The following PRKG1 variants were observed in gnomAD, a reference collection of about 807,000 sequenced individuals.
PRKG1 encodes the protein protein kinase cGMP-dependent 1.
In PRKG1, 35 loss-of-function variants were observed where a neutral mutation model predicts 88.1. That is an observed-to-expected ratio of 0.40 (90% CI 0.30 to 0.53). The LOEUF (loss-of-function observed/expected upper bound fraction) is 0.53. PRKG1 is among the 20% of genes least tolerant of loss of function. The probability of loss-of-function intolerance (pLI) is 0.59; values close to 1 mark genes in which losing one functional copy is unlikely to be tolerated. For synonymous variants in PRKG1, 303 were observed against 292.5 expected (o/e 1.04, Z -0.37); for missense variants, 540 against 839.8 (o/e 0.64, Z 4.41).
chr10:51,286,709 C>T (rs1163859978), intron 2 of PRKG1, among the ~76,000 whole-genome samples: 1 of 152,130 alleles, frequency 6.6e-6, no homozygotes, highest in African/African-American at 2.4e-5. Flanking sequence ...ATTCAACATC[C>T]CCCTTTAGCT....
rs186161023 is a variant in PRKG1 at position 51,210,761 on chromosome 10, C to A, written c.478+57431C>A. On this transcript the variant is annotated intron_variant, in intron 2 of 17. Transcript: ENST00000373980. ...ACACATACAGTCTCCCAAGACTAAA[C>A]CAGGAAGAAGTTGAATCTCTGAATA... Among the ~76,000 whole-genome samples, 706 of 152,186 alleles carry A rather than the reference C, an allele frequency of 4.6e-3. 7 individuals are homozygous for A. Among genetic ancestry groups the A allele is most frequent in the African/African-American group, 0.016 (652 of 41,508 alleles).
intron 3 of PRKG1, among the ~76,000 whole-genome samples, chr10:51,584,789 C>T (rs1368003212): frequency 1.3e-5 from 2 of 151,956 alleles, no homozygotes; most frequent in African/African-American, 2.4e-5. Flanking sequence ...GAACTTACAC[C>T]AGATAGTTCA....
chr10:51,480,639 C>T (rs569023987), intron 3 of PRKG1, among the ~76,000 whole-genome samples: 3 of 151,828 alleles, frequency 2.0e-5, no homozygotes, highest in South Asian at 2.1e-4. Flanking sequence ...GTGAAGCAGC[C>T]GTGAACCTTG....
chr10:51,173,640 C>T (rs1462678340), intron 2 of PRKG1, among the ~76,000 whole-genome samples: 1 of 151,896 alleles, frequency 6.6e-6, no homozygotes, highest in Non-Finnish European at 1.5e-5. Flanking sequence ...CTTCTAATCA[C>T]TTGCCTGTAA....
chr10:51,721,852 A>G (rs1339926821), intron 3 of PRKG1, among the ~76,000 whole-genome samples: 2 of 152,170 alleles, frequency 1.3e-5, no homozygotes, highest in African/African-American at 4.8e-5. Context: ...CATTTTCTCC[A>G]GGGACTGCCT....
chr10:51,078,399 T>G (rs184127803), intron 1 of PRKG1, among the ~76,000 whole-genome samples: 1,986 of 147,698 alleles, frequency 0.013, 54 homozygotes, highest in African/African-American at 0.047. Context: ...TTTTTTTTTT[T>G]TTTTTTTTTT....
At chr10:51,857,847 T>A (rs1840722294) in intron 4 of PRKG1, among the ~76,000 whole-genome samples, 1 of 151,466 alleles carries the variant, frequency 6.6e-6, no homozygotes. Flanking sequence ...GGAGAGAACG[T>A]CATTGTAAGC....
At chr10:51,492,420 T>C (rs1926209) in intron 3 of PRKG1, among the ~76,000 whole-genome samples, 51,806 of 151,990 alleles carry the variant, frequency 0.34, 9,286 homozygotes, top group Admixed American at 0.42. Flanking sequence ...ACATATGACA[T>C]GAATGATAAT....
At chr10:51,553,986 A>ATGCGTATGTGATACGTGCATATTATATG (rs1564547239) in intron 3 of PRKG1, among the ~76,000 whole-genome samples, 3 of 109,882 alleles carry the variant, frequency 2.7e-5, no homozygotes, top group Admixed American at 9.0e-5. Flanking sequence ...CATATTATAT[A>ATGCGTATGTGATACGTGCATATTATATG]TGCGTATGTG....
intron 1 of PRKG1, among the ~76,000 whole-genome samples, chr10:51,010,063 C>T (rs1842976423): frequency 6.6e-6 from 1 of 152,114 alleles, no homozygotes; most frequent in Non-Finnish European, 1.5e-5. Flanking sequence ...AAGGAGGGGT[C>T]AGGAGAGGGT....
intron 9 of PRKG1, among the ~76,000 whole-genome samples, chr10:52,182,996 A>G (rs1334257925): frequency 1.3e-5 from 2 of 152,102 alleles, no homozygotes; most frequent in East Asian, 1.9e-4. Flanking sequence ...ATATGATGAG[A>G]GAGGGATAAA....
chr10:51,464,009 C>T (rs377368606), intron 2 of PRKG1, among the ~76,000 whole-genome samples: 5 of 151,970 alleles, frequency 3.3e-5, no homozygotes, highest in African/African-American at 7.3e-5. Context: ...CGATAGCTCA[C>T]GCCTGTAATC....
intron 2 of PRKG1, among the ~76,000 whole-genome samples, chr10:51,347,344 G>T (rs1400757843): frequency 6.6e-6 from 1 of 152,142 alleles, no homozygotes; most frequent in African/African-American, 2.4e-5. Context: ...CGACGGAAAA[G>T]CTTAGAAGAT....
chr10:51,056,665 C>T (rs137923648), intron 1 of PRKG1, among the ~76,000 whole-genome samples: 1 of 152,254 alleles, frequency 6.6e-6, no homozygotes, highest in African/African-American at 2.4e-5. Flanking sequence ...TGACACTTTG[C>T]TGAAACTGTA....
intron 5 of PRKG1, among the ~76,000 whole-genome samples, chr10:51,994,853 C>T (rs1005058329): frequency 1.3e-5 from 2 of 152,084 alleles, no homozygotes; most frequent in Non-Finnish European, 2.9e-5. Flanking sequence ...CTTCTATCAC[C>T]TTGACAAAGA....
chr10:51,678,430 A>G (rs1589189468), intron 3 of PRKG1, among the ~76,000 whole-genome samples: 1 of 152,230 alleles, frequency 6.6e-6, no homozygotes, highest in East Asian at 1.9e-4. Flanking sequence ...AAAAATTCTT[A>G]GCATACACCA....
At chr10:51,513,039 GTTGT>G (rs1841463936) in intron 3 of PRKG1, among the ~76,000 whole-genome samples, 1 of 150,768 alleles carries the variant, frequency 6.6e-6, no homozygotes, top group African/African-American at 2.4e-5. Flanking sequence ...TTTTGATGGG[GTTGT>G]TTGTTTTTTT....
At chr10:51,161,006 T>C (rs1846346547) in intron 2 of PRKG1, among the ~76,000 whole-genome samples, 1 of 152,164 alleles carries the variant, frequency 6.6e-6, no homozygotes, top group Admixed American at 6.5e-5. Flanking sequence ...AATTGTCCTT[T>C]TCAAAGTAGG....
intron 3 of PRKG1, among the ~76,000 whole-genome samples, chr10:51,800,585 T>C (rs1239963876): frequency 6.6e-6 from 1 of 152,098 alleles, no homozygotes; most frequent in African/African-American, 2.4e-5. Flanking sequence ...TTTCACACCA[T>C]TGCAAAGTTG....
Sources: gnomAD v4.1 joint callset for allele counts (sites outside exome capture counted in the v4.1 genomes callset) on GRCh38, gnomAD v4.1.1 for gene constraint, MANE v1.5 for transcripts, NCBI Gene and HGNC (gene_info 2026-07-23, HGNC 2026-07-21) for gene names.